The following EYA1 variants were observed in gnomAD, a reference collection of about 807,000 sequenced individuals.
EYA1 encodes the protein EYA transcriptional coactivator and phosphatase 1, also known as protein phosphatase EYA1.
A neutral mutation model predicts 82.0 loss-of-function variants in EYA1; 16 were observed. That is an observed-to-expected ratio of 0.20 (90% CI 0.13 to 0.30). EYA1 has a LOEUF of 0.30. Among genes scored for constraint, EYA1 ranks in the 10% least tolerant of loss-of-function variants. EYA1 has a pLI of 1.00. For missense variants in EYA1, 633 were observed against 730.7 expected (o/e 0.87, Z 1.54); for synonymous variants, 261 against 264.4 (o/e 0.99, Z 0.12).
At chr8:71,451,648 A>C (rs1807384912) in intron 2 of EYA1, among the ~76,000 whole-genome samples, 1 of 152,180 alleles carries the variant, frequency 6.6e-6, no homozygotes, top group African/African-American at 2.4e-5. Context: ...GGTCATAATT[A>C]TGTGGTTCCT....
chr8:71,283,402 T>C (rs571287335), intron 9 of EYA1, among the ~76,000 whole-genome samples: 1 of 152,356 alleles, frequency 6.6e-6, no homozygotes, highest in South Asian at 2.1e-4. Flanking sequence ...AGATGCATTT[T>C]ATATGTACTT....
At chr8:71,366,832 T>G (rs1827784233), upstream of EYA1, among the ~76,000 whole-genome samples, 1 of 152,208 alleles carries the variant, frequency 6.6e-6, no homozygotes, top group South Asian at 2.1e-4. Context: ...GGGACATTAA[T>G]GTCTCCTCAT....
chr8:71,241,769 G>A (rs917627754), intron 12 of EYA1, among the ~76,000 whole-genome samples: 22 of 151,364 alleles, frequency 1.5e-4, no homozygotes, highest in Non-Finnish European at 2.6e-4. Flanking sequence ...ACTTCTCCCT[G>A]ATGAGATAAT....
At chr8:71,311,347 G>C (rs1821314411) in intron 7 of EYA1, among the ~76,000 whole-genome samples, 2 of 152,226 alleles carry the variant, frequency 1.3e-5, no homozygotes, top group Admixed American at 6.5e-5. Flanking sequence ...CTGCTAAGCA[G>C]TTTTCTTACC....
chr8:71,254,140 A>T (rs975951462), intron 11 of EYA1, among the ~76,000 whole-genome samples: 1 of 151,588 alleles, frequency 6.6e-6, no homozygotes, highest in African/African-American at 2.4e-5. Flanking sequence ...AAGTAAAAAC[A>T]TTCTGTAATG....
chr8:71,542,235 T>A (rs1279925826), intron 1 of EYA1, among the ~76,000 whole-genome samples: 3 of 152,138 alleles, frequency 2.0e-5, no homozygotes, highest in African/African-American at 7.2e-5. Flanking sequence ...CACCCTCCGA[T>A]AGACTCCAGG....
chr8:71,201,557 T>C (rs555780466), intron 17 of EYA1, among the ~76,000 whole-genome samples: 1 of 152,310 alleles, frequency 6.6e-6, no homozygotes, highest in South Asian at 2.1e-4. Flanking sequence ...ATTCATGTTG[T>C]AAAATATAGA....
At chr8:71,231,891 G>T (rs1370518193) in intron 12 of EYA1, among the ~76,000 whole-genome samples, 1 of 152,196 alleles carries the variant, frequency 6.6e-6, no homozygotes, top group African/African-American at 2.4e-5. Context: ...GTAAGACACA[G>T]TGAGAAAGAA....
chr8:71,379,768 A>G (rs1055007021), intron 2 of EYA1, among the ~76,000 whole-genome samples: 1 of 152,186 alleles, frequency 6.6e-6, no homozygotes, highest in South Asian at 2.1e-4. Flanking sequence ...TTTTAGGTGA[A>G]GTTCAAAATC....
At chr8:71,412,919 T>C (rs1025423785) in intron 2 of EYA1, among the ~76,000 whole-genome samples, 1 of 152,152 alleles carries the variant, frequency 6.6e-6, no homozygotes, top group Non-Finnish European at 1.5e-5. Context: ...CAAAGTATGG[T>C]GGGAATACCT....
chr8:71,233,472 G>C (rs1219552785), intron 12 of EYA1, among the ~76,000 whole-genome samples: 2 of 151,300 alleles, frequency 1.3e-5, no homozygotes, highest in African/African-American at 2.4e-5. Context: ...GCTGAGGCAG[G>C]AGAATGGCAT....
intron 2 of EYA1, among the ~76,000 whole-genome samples, chr8:71,498,166 T>C (rs897009871): frequency 6.6e-6 from 1 of 152,198 alleles, no homozygotes; most frequent in African/African-American, 2.4e-5. Context: ...TAACATTATA[T>C]TGTATTCTTC....
chr8:71,352,618 CAT>C (rs1244315760), intron 3 of EYA1, among the ~76,000 whole-genome samples: 1 of 152,106 alleles, frequency 6.6e-6, no homozygotes, highest in East Asian at 1.9e-4. Flanking sequence ...ATTTCCAAGA[CAT>C]AAAACAATTA....
intron 17 of EYA1, among the ~76,000 whole-genome samples, chr8:71,202,374 G>A (rs1807149850): frequency 2.6e-5 from 4 of 152,204 alleles, no homozygotes; most frequent in East Asian, 1.9e-4. Context: ...GGTTGATGCC[G>A]CCTACAGAAC....
At chr8:71,514,991 T>A (rs1812861032) in intron 2 of EYA1, among the ~76,000 whole-genome samples, 1 of 152,140 alleles carries the variant, frequency 6.6e-6, no homozygotes, top group African/African-American at 2.4e-5. Context: ...TGTATTAAGA[T>A]CTGGAATAAG....
At chr8:71,410,374 G>C (rs1340497098) in intron 2 of EYA1, among the ~76,000 whole-genome samples, 21 of 111,186 alleles carry the variant, frequency 1.9e-4, no homozygotes, top group African/African-American at 5.7e-4. Flanking sequence ...GGAAGTTCTG[G>C]CCAGGGCAAT....
rs1314852439 is a variant in EYA1, at chr8:71,361,727, G to A, written c.-135C>T. The A allele has an allele frequency of 2.0e-6, 2 of 985,510 alleles. No individual in the cohort carries two copies. Among genetic ancestry groups the A allele is most frequent in the Non-Finnish European group, 2.4e-6 (2 of 829,984 alleles). 61.0% of individuals were successfully genotyped at this position (985,510 alleles called of 1,614,324 possible). A position where few individuals can be genotyped will look rare whatever the true frequency, so the allele number is the denominator to read the frequency against. On this transcript the variant is annotated 5_prime_UTR_variant, in exon 1 of 18. Coordinates refer to ENST00000340726, the MANE Select transcript of EYA1 (RefSeq NM_000503.6). The stretch of plus-strand genomic sequence containing the variant: ...TTAGCAAACCTCCATTCCTGACATA[G>A]TTTTGCTCCTGGATGGGTACGCGCG...
At chr8:71,519,651 A>G (rs1813238257) in intron 2 of EYA1, among the ~76,000 whole-genome samples, 1 of 147,718 alleles carries the variant, frequency 6.8e-6, no homozygotes, top group South Asian at 2.3e-4. Context: ...TGTTTTACCT[A>G]ATATTTGAAA....
At position 71,197,458 on chromosome 8, in the gene EYA1, A is replaced by ATTAAC. The variant is rs1180386163; in HGVS notation, c.*1877_*1881dup. 21 of 152,606 alleles carry ATTAAC rather than the reference A, an allele frequency of 1.4e-4. No individual in the cohort carries two copies. Among genetic ancestry groups the ATTAAC allele is most frequent in the East Asian group, 1.4e-3 (7 of 5,178 alleles). 9.5% of individuals were successfully genotyped at this position (152,606 alleles called of 1,614,324 possible). On this transcript the variant is annotated 3_prime_UTR_variant, in exon 18 of 18. Transcript: ENST00000340726. ...TTACAGTACATCACAAATAAATTTT[A>ATTAAC]TTAACTTAAACACAAAATTAATGAA... is the stretch of plus-strand genomic sequence containing the variant.
Sources: allele counts gnomAD v4.1 joint callset (sites outside exome capture counted in the v4.1 genomes callset), GRCh38; gene constraint gnomAD v4.1.1; transcripts MANE v1.5; gene names NCBI Gene and HGNC (gene_info 2026-07-23, HGNC 2026-07-21).